The following TRIM66 variants were observed in gnomAD, a reference collection of about 807,000 sequenced individuals.
TRIM66 encodes tripartite motif-containing protein 66.
TRIM66 carries 99 observed loss-of-function variants against 148.2 expected under a neutral mutation model. The ratio of observed to expected loss-of-function variants is 0.67; its 90% CI spans 0.57 to 0.79. The LOEUF is 0.79. Among genes scored for constraint, TRIM66 ranks in the 30% least tolerant of loss-of-function variants. The pLI is 0.00. For missense variants in TRIM66, 1,666 were observed against 1,697.9 expected (o/e 0.98, Z 0.33); for synonymous variants, 616 against 635.9 (o/e 0.97, Z 0.47).
At chr11:8,676,849 G>A (rs2039201844) in intron 3 of TRIM66, among the ~76,000 whole-genome samples, 1 of 152,182 alleles carries the variant, frequency 6.6e-6, no homozygotes, top group African/African-American at 2.4e-5. Context: ...ACAGGGGCTG[G>A]GCAATCTATA....
At position 8,622,822 on chromosome 11, in the gene TRIM66, C is replaced by T; in HGVS notation, c.3074G>A (p.Ser1025Asn). 2.6e-6 allele frequency: 4 copies of T among 1,551,966 alleles called. No homozygotes were observed. Among genetic ancestry groups the T allele is most frequent in the Non-Finnish European group, 2.6e-6 (3 of 1,147,034 alleles). Residue 1025 changes from serine to asparagine, a missense_variant, in exon 18 of 25, where the codon AGC becomes AAC. By Grantham distance (46) the Ser-to-Asn change is conservative. This residue lies in a region of TRIM66 where 1,431 missense variants were observed against 1,412.4 expected (regional missense o/e 1.01). Coordinates refer to ENST00000646038, the MANE Select transcript of TRIM66 (RefSeq NM_001388022.1). Reference sequence around the variant, plus strand: ...TTAGCCAGAAGGCTGTTACCTGATGCTCTGGTTCTCTTTTGCATCCAGCTC... The same window carrying T: ...TTAGCCAGAAGGCTGTTACCTGATGTTCTGGTTCTCTTTTGCATCCAGCTC... ...ALELDAKENQ[S>N]IRAFNSEHKI...
intron 6 of TRIM66, among the ~76,000 whole-genome samples, chr11:8,657,204 A>G (rs2037904577): frequency 6.6e-6 from 1 of 152,192 alleles, no homozygotes; most frequent in Non-Finnish European, 1.5e-5. Flanking sequence ...TAGGCCACCA[A>G]GTGAGGACAC....
intron 15 of TRIM66, among the ~76,000 whole-genome samples, chr11:8,629,134 T>A (rs1420995851): frequency 1.3e-5 from 2 of 152,154 alleles, no homozygotes; most frequent in East Asian, 3.8e-4. Context: ...AGGCCAAAAA[T>A]CAATGGCTAT....
chr11:8,658,876 C>T (rs1407447713), intron 6 of TRIM66: 20 of 887,724 alleles, frequency 2.3e-5, no homozygotes, highest in Non-Finnish European at 2.4e-5. Flanking sequence ...CACCTGAAGT[C>T]CTTATCCTGT....
rs2038963312 is a variant in TRIM66 at position 8,672,050 on chromosome 11, T to C, written c.76A>G (p.Ser26Gly). ...STRCFSPEDI[S>G]GKAPVLGTGM... ...GTGCCCAGGACTGGGGCTTTTCCAC[T>C]GATATCCTCAGGTGAGAAGCAGCGT... is the stretch of plus-strand genomic sequence containing the variant. The change falls in exon 6 of 25, where the codon AGT becomes GGT. Residue 26 changes from serine to glycine, a missense_variant. By Grantham distance (56) the Ser-to-Gly change is moderately conservative. This residue lies in a region of TRIM66 where 1,431 missense variants were observed against 1,412.4 expected (regional missense o/e 1.01). Coordinates refer to ENST00000646038, the MANE Select transcript of TRIM66 (RefSeq NM_001388022.1). 3.3e-6 allele frequency: 5 copies of C among 1,535,592 alleles called. No homozygotes were observed. Among genetic ancestry groups the C allele is most frequent in the Middle Eastern group, 1.7e-4 (1 of 5,958 alleles).
intron 15 of TRIM66, among the ~76,000 whole-genome samples, chr11:8,633,453 G>A (rs753130419): frequency 5.3e-5 from 8 of 152,182 alleles, no homozygotes. Context: ...TCTTAGGTTT[G>A]GATGGTGAAT....
chr11:8,682,198 G>A (rs1286763206), intron 1 of TRIM66, among the ~76,000 whole-genome samples: 1 of 152,262 alleles, frequency 6.6e-6, no homozygotes, highest in Non-Finnish European at 1.5e-5. Context: ...AAGGGCAAAA[G>A]AGAAAGGAAG....
intron 4 of TRIM66, among the ~76,000 whole-genome samples, chr11:8,673,088 C>T (rs1348830084): frequency 6.6e-6 from 1 of 151,108 alleles, no homozygotes; most frequent in Non-Finnish European, 1.5e-5. Context: ...TACAGGCACC[C>T]ACCACCGCCC....
chr11:8,640,202 C>T (rs1374299887), intron 14 of TRIM66, 25 bp downstream of exon 14: 34 of 1,543,106 alleles, frequency 2.2e-5, no homozygotes, highest in Non-Finnish European at 3.0e-5. Context: ...GCAGAATATG[C>T]ACGCCAAGCC....
intron 6 of TRIM66, among the ~76,000 whole-genome samples, chr11:8,668,618 C>T (rs944979470): frequency 6.6e-6 from 1 of 151,330 alleles, no homozygotes; most frequent in Admixed American, 6.6e-5. Flanking sequence ...TGGAGTCTCG[C>T]TCTGTCGCCC....
intron 3 of TRIM66, among the ~76,000 whole-genome samples, chr11:8,677,251 ATATAT>A (rs1405366682): frequency 1.3e-5 from 2 of 152,162 alleles, no homozygotes; most frequent in Non-Finnish European, 2.9e-5. Flanking sequence ...GTTATATGTG[ATATAT>A]TATTTGTTTG....
intron 4 of TRIM66, among the ~76,000 whole-genome samples, chr11:8,674,386 T>C (rs917900897): frequency 3.3e-5 from 5 of 152,236 alleles, no homozygotes; most frequent in Admixed American, 3.3e-4. Flanking sequence ...TCCATTTATT[T>C]ATTTATTTAT....
chr11:8,630,791 T>C (rs1274882413), intron 15 of TRIM66, among the ~76,000 whole-genome samples: 3 of 152,228 alleles, frequency 2.0e-5, no homozygotes, highest in Non-Finnish European at 4.4e-5. Context: ...ATTAATTTAA[T>C]GGATTCAGTT....
intron 6 of TRIM66, among the ~76,000 whole-genome samples, chr11:8,657,750 T>G (rs190089524): frequency 6.6e-6 from 1 of 152,092 alleles, no homozygotes; most frequent in African/African-American, 2.4e-5. Flanking sequence ...CCCTGAAGGC[T>G]TCCTCCAACC....
rs116358005 is a variant in TRIM66, at chr11:8,682,440, G to C, written c.-548+161C>G. 2.1e-3 allele frequency: 678 copies of C among 327,936 alleles called. 8 individuals carry two copies. The highest frequency in any genetic ancestry group is 0.014 in the African/African-American group (634 of 44,886). The allele number at this position is 327,936 out of a possible 1,614,324, so 20.3% of individuals were successfully genotyped here. A position where few individuals can be genotyped will look rare whatever the true frequency, so the allele number is the denominator to read the frequency against. ...TCAGGGCTGGCGCATTTGGTGAGGA[G>C]CTCAGACAACGAGGCCCTTAGGGTC... On this transcript the variant is annotated intron_variant, in intron 1 of 24. Coordinates refer to ENST00000646038, the MANE Select transcript of TRIM66 (RefSeq NM_001388022.1).
chr11:8,649,605 T>G, intron 8 of TRIM66, 135 bp downstream of exon 8: 1 of 1,235,864 alleles, frequency 8.1e-7, no homozygotes, highest in Non-Finnish European at 1.1e-6. Flanking sequence ...GAGACTTCCT[T>G]TGGGAAAGGC....
intron 4 of TRIM66, among the ~76,000 whole-genome samples, chr11:8,673,903 C>T (rs2039060685): frequency 6.6e-6 from 1 of 152,172 alleles, no homozygotes. Context: ...TCTTTAGGAG[C>T]CAAGCCTTCA....
chr11:8,648,002 A>C lies in TRIM66; in HGVS notation c.810T>G (p.Ser270Arg). The change falls in exon 10 of 25, where the codon AGT becomes AGG. Residue 270 changes from serine to arginine, a missense_variant. Ser to Arg is a moderately radical substitution (Grantham distance 110). Around this residue, in one of 3 missense-constraint regions of TRIM66, gnomAD observed 1,431 missense variants for 1,412.4 expected, o/e 1.01. Transcript: ENST00000646038. ...CAATTTGCTTTGCAGATGTCTGTAG[A>C]CTGGATTTCTTATGTGCCACCTGTG... ...VTTQVAHKKS[S>R]LQTSAKQIED... 1 of 1,551,824 alleles carries C rather than the reference A, an allele frequency of 6.4e-7. No homozygotes were observed. Among genetic ancestry groups the C allele is most frequent in the East Asian group, 2.4e-5 (1 of 40,922 alleles).
upstream of TRIM66, chr11:8,682,692 A>G: frequency 8.5e-7 from 1 of 1,176,322 alleles, no homozygotes; most frequent in Non-Finnish European, 1.3e-6. Flanking sequence ...ATCCCGCGAG[A>G]CCAGGAGGCC....
Sources: allele counts gnomAD v4.1 joint callset (sites outside exome capture counted in the v4.1 genomes callset), GRCh38; gene constraint gnomAD v4.1.1; regional missense constraint gnomAD v4.1.1; transcripts MANE v1.5; gene names NCBI Gene and HGNC (gene_info 2026-07-23, HGNC 2026-07-21).